HIVEP2: variants seen among roughly 807,000 people sequenced by gnomAD.
The protein encoded by HIVEP2 is HIVEP zinc finger 2.
Under a neutral mutation model 180.7 loss-of-function variants are expected in HIVEP2, and 14 were observed. That is an observed-to-expected ratio of 0.08 (90% CI 0.05 to 0.12). The LOEUF (loss-of-function observed/expected upper bound fraction) is 0.12. HIVEP2 is among the 10% of genes least tolerant of loss of function. HIVEP2 has a pLI of 1.00. For missense variants in HIVEP2, 2,579 were observed against 3,008.5 expected (o/e 0.86, Z 3.34); for synonymous variants, 1,184 against 1,136.4 (o/e 1.04, Z -0.84).
At chr6:142,864,542 T>C (rs1249096035) in intron 1 of HIVEP2, among the ~76,000 whole-genome samples, 1 of 152,218 alleles carries the variant, frequency 6.6e-6, no homozygotes, top group African/African-American at 2.4e-5. Flanking sequence ...TTTAGGATAT[T>C]GTACATGCAC....
rs2114575347 is a variant in HIVEP2, at chr6:142,751,496, T to C, written c.*1611A>G. 1.3e-5 allele frequency: 2 copies of C among 152,820 alleles called. No homozygotes were observed. Among genetic ancestry groups the C allele is most frequent in the South Asian group, 4.1e-4 (2 of 4,834 alleles). 9.5% of individuals were successfully genotyped at this position (152,820 alleles called of 1,614,324 possible). Reference sequence around the variant, plus strand: ...GCATGTAATTGTATATTTATTTCTCTTTTTAAAGAACACTCCTTAATGTAA... The same window carrying C: ...GCATGTAATTGTATATTTATTTCTCCTTTTAAAGAACACTCCTTAATGTAA... On this transcript the variant is annotated 3_prime_UTR_variant, in exon 10 of 10. Transcript: ENST00000367603.
rs373769700 is a variant in HIVEP2, at chr6:142,769,804, A to G, written c.4935T>C (p.Thr1645=). 1.2e-6 allele frequency: 2 copies of G among 1,614,224 alleles called. No homozygotes were observed. Among genetic ancestry groups the G allele is most frequent in the Non-Finnish European group, 1.7e-6 (2 of 1,180,046 alleles). Reference sequence around the variant, plus strand: ...AATTCAAGAAGCACCAACTCACAGTAGTTGTTGTCCGCAGACTGGGGAACT... The same window carrying G: ...AATTCAAGAAGCACCAACTCACAGTGGTTGTTGTCCGCAGACTGGGGAACT... ...ILQFPSLRTT[T]TVSWCFLNYT... Residue 1645 remains threonine, a synonymous_variant, in exon 5 of 10, where the codon ACT becomes ACC. Coordinates refer to ENST00000367603, the MANE Select transcript of HIVEP2 (RefSeq NM_006734.4).
chr6:142,833,839 A>G (rs568589814), intron 2 of HIVEP2, among the ~76,000 whole-genome samples: 1 of 152,364 alleles, frequency 6.6e-6, no homozygotes, highest in African/African-American at 2.4e-5. Flanking sequence ...ATAAGAGTCC[A>G]CATTTTCACA....
intron 1 of HIVEP2, among the ~76,000 whole-genome samples, chr6:142,872,338 C>A (rs146037530): frequency 6.6e-6 from 1 of 152,124 alleles, no homozygotes; most frequent in Non-Finnish European, 1.5e-5. Flanking sequence ...TCTTTGGAAT[C>A]GCTTCCATAA....
chr6:142,904,098 C>T (rs543215374), intron 1 of HIVEP2, among the ~76,000 whole-genome samples: 79 of 152,220 alleles, frequency 5.2e-4, no homozygotes, highest in African/African-American at 1.8e-3. Flanking sequence ...CAATATTAAA[C>T]CCAAATTTCC....
Position 142,771,586 on chromosome 6 carries a change from A to G in HIVEP2, c.3153T>C (p.Phe1051=), listed in dbSNP as rs775022173. 24 of 1,614,004 alleles carry G rather than the reference A, an allele frequency of 1.5e-5. No homozygotes were observed. The highest frequency in any genetic ancestry group is 1.9e-5 in the Non-Finnish European group (23 of 1,180,044). The change falls in exon 5 of 10, where the codon TTT becomes TTC. Residue 1051 remains phenylalanine (F), a synonymous_variant. Transcript: ENST00000367603. The surrounding 1 kb of genome is among the most constrained non-coding windows in gnomAD (Gnocchi z 5.4). ...GAGCATGGGACAGATTCCCATAATC[A>G]AATGATTTGCTCCGAACTTCTGGGA... The part of the protein sequence containing the change: ...AEVPEVRSKS[F]DYGNLSHAPV...
intron 3 of HIVEP2, among the ~76,000 whole-genome samples, chr6:142,782,217 T>C (rs1447424516): frequency 2.6e-5 from 4 of 152,226 alleles, no homozygotes; most frequent in Admixed American, 6.5e-5. Flanking sequence ...GTAAACAAAA[T>C]ACGTGTCTTA....
chr6:142,775,642 C>T (rs1323626330), intron 4 of HIVEP2, among the ~76,000 whole-genome samples: 2 of 152,002 alleles, frequency 1.3e-5, no homozygotes, highest in Non-Finnish European at 2.9e-5. Flanking sequence ...TGAAACCATC[C>T]TGGCCAAAAT....
At chr6:142,845,958 G>T (rs957360421) in intron 1 of HIVEP2, among the ~76,000 whole-genome samples, 4 of 152,232 alleles carry the variant, frequency 2.6e-5, no homozygotes, top group African/African-American at 4.8e-5. Flanking sequence ...TCCCCCTGCC[G>T]CAGGACGATC....
Position 142,753,060 on chromosome 6 carries a change from CA to C in HIVEP2, c.*46del. ...ACCTCCATTTCTAGAAAAACAAAAA[CA>C]AAAAAATGGGAAAATGTGGAAATGA... is the stretch of plus-strand genomic sequence containing the variant. On this transcript the variant is annotated 3_prime_UTR_variant, in exon 10 of 10. Transcript: ENST00000367603. The C allele has an allele frequency of 1.6e-6, 2 of 1,246,820 alleles. No individual in the cohort carries two copies. The highest frequency in any genetic ancestry group is 2.3e-6 in the Non-Finnish European group (2 of 851,294). The allele number at this position is 1,246,820 out of a possible 1,614,324, so 77.2% of individuals were successfully genotyped here.
rs1270075737 is a variant in HIVEP2 at position 142,764,908 on chromosome 6, T to C, written c.5409A>G (p.Glu1803=). The change falls in exon 7 of 10, where the codon GAA becomes GAG. Residue 1803 remains glutamate, a synonymous_variant. Transcript: ENST00000367603. ...TTGGCTTCTTACAGCGAATCCCACATTCTTCACAAATGTACTTTCCCCGGC... is the reference window on the plus strand; with the variant it reads ...TTGGCTTCTTACAGCGAATCCCACACTCTTCACAAATGTACTTTCCCCGGC... The part of the protein sequence containing the change: ...GRGRGKYICE[E]CGIRCKKPSM... The C allele has an allele frequency of 1.2e-6, 2 of 1,613,996 alleles. No individual in the cohort carries two copies. Among genetic ancestry groups the C allele is most frequent in the East Asian group, 4.5e-5 (2 of 44,876 alleles).
At chr6:142,924,257 T>G (rs143464252) in intron 1 of HIVEP2, among the ~76,000 whole-genome samples, 1 of 152,334 alleles carries the variant, frequency 6.6e-6, no homozygotes, top group East Asian at 1.9e-4. Context: ...AATTCTAAAA[T>G]TATGACCGAA....
intron 1 of HIVEP2, among the ~76,000 whole-genome samples, chr6:142,939,896 A>G (rs543759174): frequency 1.3e-5 from 2 of 152,364 alleles, no homozygotes; most frequent in South Asian, 4.1e-4. Flanking sequence ...CAGAAAAAAA[A>G]GTAATCAAAT....
chr6:142,772,251 C>A lies in HIVEP2; in HGVS notation c.2488G>T (p.Ala830Ser). ...TCACAAGTCTCTGAAGGGGAAGGGG[C>A]TTTATCCTGTGTGCAAGCCACAAGT... ...AELVACTQDK[A>S]PSPSETCDSE... Residue 830 changes from alanine to serine, a missense_variant, in exon 5 of 10, where the codon GCC (alanine) becomes TCC (serine). Ala to Ser is a moderately conservative substitution (Grantham distance 99). Transcript: ENST00000367603. This position sits in a 1 kb window ranked among gnomAD's most constrained non-coding sequence, Gnocchi z 4.9. 1 of 1,614,166 alleles carries A rather than the reference C, an allele frequency of 6.2e-7. No individual in the cohort carries two copies. The highest frequency in any genetic ancestry group is 8.5e-7 in the Non-Finnish European group (1 of 1,180,030).
chr6:142,888,905 CA>C, intron 1 of HIVEP2, among the ~76,000 whole-genome samples: 1 of 152,084 alleles, frequency 6.6e-6, no homozygotes. Context: ...TCTACATGAC[CA>C]AAAATGAGTT....
chr6:142,893,434 C>A (rs1037825668), intron 1 of HIVEP2, among the ~76,000 whole-genome samples: 1 of 152,096 alleles, frequency 6.6e-6, no homozygotes, highest in South Asian at 2.1e-4. Context: ...AGAAAAATCA[C>A]GTAACAGCTA....
chr6:142,792,488 C>T (rs141674697), intron 2 of HIVEP2, among the ~76,000 whole-genome samples: 3,617 of 152,174 alleles, frequency 0.024, 233 homozygotes, highest in Admixed American at 0.15. Flanking sequence ...CATGTTCTCA[C>T]TCATAAGTGG....
chr6:142,890,207 C>A (rs1334677455), intron 1 of HIVEP2, among the ~76,000 whole-genome samples: 1 of 152,184 alleles, frequency 6.6e-6, no homozygotes, highest in Non-Finnish European at 1.5e-5. Flanking sequence ...GTAGAAGGGG[C>A]TCTACATCAG....
chr6:142,753,274 C>T lies in HIVEP2; in HGVS notation c.7174G>A (p.Gly2392Ser). Residue 2392 changes from glycine (G) to serine (S), a missense_variant, in exon 10 of 10, where the codon GGT becomes AGT. Coordinates refer to ENST00000367603, the MANE Select transcript of HIVEP2 (RefSeq NM_006734.4). The part of the protein sequence containing the change: ...TSATHPDLHD[G>S]EKDNFGTSQT... The stretch of plus-strand genomic sequence containing the variant: ...GATGTACCAAAATTGTCCTTTTCAC[C>T]ATCATGCAAGTCAGGGTGGGTGGCT... The T allele has an allele frequency of 1.9e-6, 3 of 1,614,150 alleles. No individual in the cohort carries two copies. Among genetic ancestry groups the T allele is most frequent in the Non-Finnish European group, 2.5e-6 (3 of 1,180,032 alleles).
Sources: allele counts gnomAD v4.1 joint callset (sites outside exome capture counted in the v4.1 genomes callset), GRCh38; gene constraint gnomAD v4.1.1; non-coding constraint Gnocchi (gnomAD v3.1); transcripts MANE v1.5; gene names NCBI Gene and HGNC (gene_info 2026-07-23, HGNC 2026-07-21).